KIAA0232: variants seen among roughly 807,000 people sequenced by gnomAD.
KIAA0232 encodes the protein uncharacterized protein KIAA0232.
A neutral mutation model predicts 122.0 loss-of-function variants in KIAA0232; 27 were observed. The ratio of observed to expected loss-of-function variants is 0.22; its 90% CI spans 0.16 to 0.31. The LOEUF (loss-of-function observed/expected upper bound fraction) is 0.31, where lower values mean the gene tolerates loss of function less well. KIAA0232 is among the 10% of genes least tolerant of loss of function. The probability of loss-of-function intolerance (pLI) is 1.00; values close to 1 mark genes in which losing one functional copy is unlikely to be tolerated. For missense variants in KIAA0232, 1,551 were observed against 1,634.2 expected (o/e 0.95, Z 0.88); for synonymous variants, 613 against 587.6 (o/e 1.04, Z -0.63).
intron 3 of KIAA0232, among the ~76,000 whole-genome samples, chr4:6,827,050 A>G (rs1488113781): frequency 2.0e-5 from 3 of 152,206 alleles, no homozygotes; most frequent in South Asian, 2.1e-4. Flanking sequence ...TAGGGAAAAC[A>G]TAACATGTCT....
chr4:6,846,876 C>T (rs1484692110), intron 4 of KIAA0232, among the ~76,000 whole-genome samples: 2 of 152,124 alleles, frequency 1.3e-5, no homozygotes, highest in African/African-American at 2.4e-5. Context: ...TAAGTATGCT[C>T]ATTTCCTGAG....
chr4:6,854,720 G>A (rs1479736399), intron 4 of KIAA0232, among the ~76,000 whole-genome samples: 3 of 152,162 alleles, frequency 2.0e-5, no homozygotes, highest in Admixed American at 6.5e-5. Context: ...GTTAGGAAAA[G>A]CAATTCATGA....
chr4:6,863,372 A>G lies in KIAA0232; in HGVS notation c.2990A>G (p.Glu997Gly), dbSNP rs1720989335. ...RQLWKPFVSF[E>G]QNDQPKSGEN... ...TTATGGAAACCCTTCGTGTCATTTG[A>G]ACAGAATGATCAGCCGAAGAGTGGG... Residue 997 changes from glutamate (E) to glycine (G), a missense_variant, in exon 7 of 10, where the codon GAA (glutamate) becomes GGA (glycine). Physicochemically the swap from Glu to Gly is moderately conservative, Grantham distance 98 (BLOSUM62 -2). This residue lies in a region of KIAA0232 where 1,108 missense variants were observed against 1,154.8 expected (regional missense o/e 0.96). Coordinates refer to ENST00000307659, the MANE Select transcript of KIAA0232 (RefSeq NM_014743.3). 1 of 1,614,068 alleles carries G rather than the reference A, an allele frequency of 6.2e-7. No homozygotes were observed. Among genetic ancestry groups the G allele is most frequent in the Admixed American group, 1.7e-5 (1 of 60,004 alleles).
intron 7 of KIAA0232, among the ~76,000 whole-genome samples, chr4:6,870,860 C>T (rs929157732): frequency 6.6e-6 from 1 of 151,990 alleles, no homozygotes; most frequent in African/African-American, 2.4e-5. Flanking sequence ...TTACTTCTGC[C>T]TGAATGTATG....
rs1222949091 is a variant in KIAA0232, at chr4:6,882,996, C to G, written c.*2030C>G. 6.6e-6 allele frequency: 1 copy of G among 152,364 alleles called. No homozygotes were observed. The highest frequency in any genetic ancestry group is 6.5e-5 in the Admixed American group (1 of 15,284). 9.4% of individuals were successfully genotyped at this position (152,364 alleles called of 1,614,324 possible). A position where few individuals can be genotyped will look rare whatever the true frequency, so the allele number is the denominator to read the frequency against. On this transcript the variant is annotated 3_prime_UTR_variant, in exon 10 of 10. Coordinates refer to ENST00000307659, the MANE Select transcript of KIAA0232 (RefSeq NM_014743.3). ...TTCCTCAGACACAGGTGAGAAGATG[C>G]AGCACCTTCCACAGGTGAATGGGAC...
At chr4:6,824,816 C>A in intron 3 of KIAA0232, 132 bp downstream of exon 3, 1 of 745,096 alleles carries the variant, frequency 1.3e-6, no homozygotes, top group Non-Finnish European at 2.2e-6. Context: ...CTGTCAGTGA[C>A]CAGATGGTAA....
intron 2 of KIAA0232, among the ~76,000 whole-genome samples, chr4:6,823,821 A>C (rs1349936000): frequency 6.6e-6 from 1 of 152,120 alleles, no homozygotes; most frequent in African/African-American, 2.4e-5. Context: ...AAAAGTTCAC[A>C]ATGTTGTTTT....
chr4:6,838,894 C>T (rs79587214), intron 3 of KIAA0232, among the ~76,000 whole-genome samples: 2 of 151,924 alleles, frequency 1.3e-5, no homozygotes, highest in East Asian at 3.9e-4. Context: ...TCTGGGAGGC[C>T]GAGGCGGGCA....
chr4:6,832,355 T>G (rs866260754), intron 3 of KIAA0232, among the ~76,000 whole-genome samples: 147 of 151,642 alleles, frequency 9.7e-4, no homozygotes, highest in Middle Eastern at 3.4e-3. Flanking sequence ...GGGGCCTTTT[T>G]TTTTTTTTTT....
chr4:6,867,698 CA>C (rs1163230757), intron 7 of KIAA0232, among the ~76,000 whole-genome samples: 3 of 152,162 alleles, frequency 2.0e-5, no homozygotes, highest in African/African-American at 7.2e-5. Flanking sequence ...GAGTGAGGGT[CA>C]GGGGTCATGC....
At chr4:6,787,277 T>C (rs1379790467) in intron 1 of KIAA0232, among the ~76,000 whole-genome samples, 1 of 152,174 alleles carries the variant, frequency 6.6e-6, no homozygotes, top group Non-Finnish European at 1.5e-5. Flanking sequence ...TTTTAGAAAT[T>C]TATTATATGC....
rs752428517 is a variant in KIAA0232, at chr4:6,800,043, C to CTTTTTTTTTTTTTTTTT, written c.-353-4464_-353-4448dup. 8.3e-4 allele frequency among the ~76,000 whole-genome samples: 50 copies of CTTTTTTTTTTTTTTTTT among 60,072 alleles called. 5 individuals are homozygous for CTTTTTTTTTTTTTTTTT. Among genetic ancestry groups the CTTTTTTTTTTTTTTTTT allele is most frequent in the African/African-American group, 1.3e-3 (20 of 15,334 alleles). 39.4% of individuals were successfully genotyped at this position (60,072 alleles called of 152,430 possible). ...TTTCTTTTTCTTTCTTTCTTTCTTT[C>CTTTTTTTTTTTTTTTTT]TTTTTTTTTTTTTTTTTTTTTTTTT... is the stretch of plus-strand genomic sequence containing the variant. On this transcript the variant is annotated intron_variant, in intron 1 of 9. Coordinates refer to ENST00000307659, the MANE Select transcript of KIAA0232 (RefSeq NM_014743.3).
In KIAA0232 at chr4:6,862,645, G is replaced by A. The variant is rs747392975; in HGVS notation, c.2263G>A (p.Asp755Asn). 2 of 1,612,930 alleles carry A rather than the reference G, an allele frequency of 1.2e-6. No individual in the cohort carries two copies. The highest frequency in any genetic ancestry group is 2.2e-5 in the East Asian group (1 of 44,866). The change falls in exon 7 of 10, where the codon GAT becomes AAT. Residue 755 changes from aspartate to asparagine, a missense_variant. Physicochemically the swap from Asp to Asn is conservative, Grantham distance 23. This residue lies in a region of KIAA0232 where 1,108 missense variants were observed against 1,154.8 expected (regional missense o/e 0.96). Transcript: ENST00000307659. ...TCCTAGAGTCTCGTCAAATTATGTA[G>A]ATGAAGAACTTCTAGATTTTTTGCA... is the stretch of plus-strand genomic sequence containing the variant. Reference protein sequence around the residue: ...VVPRVSSNYVDEELLDFLQDE... With the variant: ...VVPRVSSNYVNEELLDFLQDE...
At chr4:6,877,831 G>A (rs1479422582) in intron 9 of KIAA0232, among the ~76,000 whole-genome samples, 1 of 152,052 alleles carries the variant, frequency 6.6e-6, no homozygotes, top group African/African-American at 2.4e-5. Flanking sequence ...ACACACCCAG[G>A]ATCAGTACTT....
At chr4:6,809,586 A>T (rs1717783580) in intron 2 of KIAA0232, among the ~76,000 whole-genome samples, 1 of 152,200 alleles carries the variant, frequency 6.6e-6, no homozygotes, top group Non-Finnish European at 1.5e-5. Flanking sequence ...AAGAGAAATT[A>T]AGCAAGAGAA....
At chr4:6,812,476 T>C (rs1717922600) in intron 2 of KIAA0232, among the ~76,000 whole-genome samples, 1 of 152,160 alleles carries the variant, frequency 6.6e-6, no homozygotes, top group South Asian at 2.1e-4. Context: ...TGTATGTTAT[T>C]ATTTAATATA....
chr4:6,795,634 C>T (rs889743716), intron 1 of KIAA0232, among the ~76,000 whole-genome samples: 1 of 152,154 alleles, frequency 6.6e-6, no homozygotes, highest in Non-Finnish European at 1.5e-5. Context: ...TCACTGTCAC[C>T]TAGGCTGGAG....
At chr4:6,843,927 CTTTTTTTTTTTTT>C (rs373793407) in intron 4 of KIAA0232, among the ~76,000 whole-genome samples, 134 of 46,366 alleles carry the variant, frequency 2.9e-3, no homozygotes, top group Non-Finnish European at 4.7e-3. Flanking sequence ...AGTTACCCAT[CTTTTTTTTTTTTT>C]TTTTTTTTTT....
chr4:6,824,071 T>G (rs1295819958), intron 2 of KIAA0232, 114 bp from the exon 3 acceptor site: 1 of 398,882 alleles, frequency 2.5e-6, no homozygotes, highest in South Asian at 9.7e-5. Flanking sequence ...TGTTCTAAGA[T>G]ACCAAAAATA....
Sources: gnomAD v4.1 joint callset for allele counts (sites outside exome capture counted in the v4.1 genomes callset) on GRCh38, gnomAD v4.1.1 for gene constraint, gnomAD v4.1.1 regional missense constraint, MANE v1.5 for transcripts, NCBI Gene and HGNC (gene_info 2026-07-23, HGNC 2026-07-21) for gene names.